The following NPAS3 variants were observed in gnomAD, a reference collection of about 807,000 sequenced individuals.
NPAS3 encodes the protein neuronal PAS domain-containing protein 3.
NPAS3 carries 14 observed loss-of-function variants against 73.1 expected under a neutral mutation model. The observed-to-expected ratio is 0.19, with a 90% CI of 0.13 to 0.30. The LOEUF (loss-of-function observed/expected upper bound fraction) is 0.30. Among genes scored for constraint, NPAS3 ranks in the 10% least tolerant of loss-of-function variants. The pLI is 1.00. For missense variants in NPAS3, 1,096 were observed against 1,250.0 expected, an observed-to-expected ratio of 0.88 and a Z score of 1.86; for synonymous variants, 620 against 541.5, an observed-to-expected ratio of 1.14 and a Z score of -2.01.
In NPAS3 at chr14:33,391,513, T is replaced by G. The variant is rs1396803031; in HGVS notation, c.468+24245T>G. Among the ~76,000 whole-genome samples, 3 of 152,280 alleles carry G rather than the reference T, an allele frequency of 2.0e-5. No homozygotes were observed. In the East Asian group the frequency reaches 5.8e-4, roughly 29 times the overall value. On this transcript the variant is annotated intron_variant, in intron 4 of 11. Coordinates refer to ENST00000356141, the Ensembl canonical transcript of NPAS3. ...CAGCTTGGCCCATATCTTAATTCACTACCAACGTTACTGATTTTATATTTC... is the reference window on the plus strand; with the variant it reads ...CAGCTTGGCCCATATCTTAATTCACGACCAACGTTACTGATTTTATATTTC...
intron 2 of NPAS3, among the ~76,000 whole-genome samples, chr14:33,082,954 G>GA (rs2041905593): frequency 6.6e-6 from 1 of 152,086 alleles, no homozygotes; most frequent in Non-Finnish European, 1.5e-5. Context: ...GAGATAGGCA[G>GA]ATCATCACTT....
intron 4 of NPAS3, among the ~76,000 whole-genome samples, chr14:33,442,145 G>A (rs545972586): frequency 1.3e-5 from 2 of 152,256 alleles, no homozygotes; most frequent in Non-Finnish European, 1.5e-5. Flanking sequence ...AAGACTGGGG[G>A]GAGGACTAAA....
intron 1 of NPAS3, among the ~76,000 whole-genome samples, chr14:33,044,027 A>G (rs1264521474): frequency 6.6e-6 from 1 of 152,182 alleles, no homozygotes; most frequent in Admixed American, 6.5e-5. Flanking sequence ...CATAGAGTGA[A>G]ATCCAGTGTA....
At chr14:33,289,870 T>C (rs770783284) in intron 3 of NPAS3, among the ~76,000 whole-genome samples, 8 of 151,814 alleles carry the variant, frequency 5.3e-5, no homozygotes, top group Admixed American at 1.3e-4. Context: ...AAATTGGCTG[T>C]GTTTCTTTTT....
intron 4 of NPAS3, among the ~76,000 whole-genome samples, chr14:33,480,873 A>G (rs536240274): frequency 1.3e-5 from 2 of 152,186 alleles, no homozygotes; most frequent in East Asian, 1.9e-4. Flanking sequence ...TAGAATGGGC[A>G]TATTTCCAGA....
In NPAS3 at chr14:33,160,546, C is replaced by T. The variant is rs547449758; in HGVS notation, c.141-54636C>T. ...TAGGAGATATACCTAATGTAAATGA[C>T]GAGTTAATGGGTGCAGCACACCAAC... is the stretch of plus-strand genomic sequence containing the variant. On this transcript the variant is annotated intron_variant, in intron 2 of 11. Transcript: ENST00000356141. Among the ~76,000 whole-genome samples, 454 of 149,454 alleles carry T rather than the reference C, an allele frequency of 3.0e-3. 3 individuals are homozygous for T. Among genetic ancestry groups the T allele is most frequent in the African/African-American group, 0.011 (432 of 40,594 alleles).
At chr14:33,774,412 G>C in exon 8 of NPAS3, 1 of 1,614,164 alleles carries the variant, frequency 6.2e-7, no homozygotes, top group African/African-American at 1.3e-5. Flanking sequence ...CCAAATCATG[G>C]GTCTCGTGGT....
chr14:33,106,516 A>G (rs991528034), intron 2 of NPAS3, among the ~76,000 whole-genome samples: 1 of 152,162 alleles, frequency 6.6e-6, no homozygotes, highest in Non-Finnish European at 1.5e-5. Context: ...ATTAAAGGAG[A>G]AGCAAATCAT....
chr14:33,347,079 A>G (rs1419144125), intron 3 of NPAS3, among the ~76,000 whole-genome samples: 1 of 152,172 alleles, frequency 6.6e-6, no homozygotes, highest in Non-Finnish European at 1.5e-5. Flanking sequence ...TTTCCTCCAC[A>G]TTATCAAAAT....
At chr14:33,496,510 G>C (rs1256113697) in intron 4 of NPAS3, among the ~76,000 whole-genome samples, 7 of 152,112 alleles carry the variant, frequency 4.6e-5, no homozygotes, top group East Asian at 1.9e-4. Flanking sequence ...CCACAATCAA[G>C]TCGGCTTCAT....
At chr14:33,375,999 C>T (rs145049121) in intron 4 of NPAS3, among the ~76,000 whole-genome samples, 18 of 152,182 alleles carry the variant, frequency 1.2e-4, no homozygotes, top group African/African-American at 2.4e-4. Context: ...TTCATACTTA[C>T]GGAATTGGTT....
downstream of NPAS3, chr14:33,801,149 G>GATCTACA: frequency 6.5e-7 from 1 of 1,541,606 alleles, no homozygotes; most frequent in Admixed American, 2.1e-5. Context: ...CCCGCTTGGA[G>GATCTACA]GAGGCATCGT....
chr14:33,436,949 G>A (rs895393209), intron 4 of NPAS3, among the ~76,000 whole-genome samples: 12 of 152,100 alleles, frequency 7.9e-5, no homozygotes, highest in Non-Finnish European at 1.5e-4. Context: ...TTCATTTTGA[G>A]GCTAGTTAGT....
At chr14:33,325,243 C>T (rs1284828349) in intron 3 of NPAS3, among the ~76,000 whole-genome samples, 3 of 151,984 alleles carry the variant, frequency 2.0e-5, no homozygotes, top group East Asian at 1.9e-4. Flanking sequence ...TTGATATAGG[C>T]GTGCAGTGTG....
intron 3 of NPAS3, among the ~76,000 whole-genome samples, chr14:33,283,639 C>T (rs1279480897): frequency 6.6e-6 from 1 of 152,144 alleles, no homozygotes; most frequent in African/African-American, 2.4e-5. Flanking sequence ...ATTGGAAAGC[C>T]TCATACTAGA....
At chr14:33,013,730 G>A (rs767904955) in intron 1 of NPAS3, among the ~76,000 whole-genome samples, 63 of 152,104 alleles carry the variant, frequency 4.1e-4, no homozygotes, top group Non-Finnish European at 1.5e-4. Flanking sequence ...ATTATTTTAT[G>A]TAAGCAGTTC....
At chr14:33,452,867 TA>T (rs1284321099) in intron 4 of NPAS3, among the ~76,000 whole-genome samples, 2 of 145,724 alleles carry the variant, frequency 1.4e-5, no homozygotes, top group Admixed American at 1.4e-4. Context: ...GATCATTAAA[TA>T]AAAATTAAGT....
In NPAS3 at chr14:33,215,287, A is replaced by C. The variant is rs751945494; in HGVS notation, c.246A>C (p.Ala82=). The C allele has an allele frequency of 2.2e-5, 35 of 1,556,878 alleles. No individual in the cohort carries two copies. The highest frequency in any genetic ancestry group is 3.1e-5 in the Non-Finnish European group (35 of 1,127,994). ...TGGCCAAGTTGTTGCCTCTTCCTGC[A>C]GCCATTACCAGCCAGCTCGACAAGG... is the stretch of plus-strand genomic sequence containing the variant. The change falls in exon 3 of 12, where the codon GCA becomes GCC. Residue 82 remains alanine (A), a synonymous_variant. Transcript: ENST00000356141.
intron 6 of NPAS3, among the ~76,000 whole-genome samples, chr14:33,719,919 A>G (rs750055152): frequency 6.6e-6 from 1 of 152,182 alleles, no homozygotes; most frequent in African/African-American, 2.4e-5. Context: ...TCGGGGCATC[A>G]TTGGCAGATA....
Sources: allele counts gnomAD v4.1 joint callset (sites outside exome capture counted in the v4.1 genomes callset), GRCh38; gene constraint gnomAD v4.1.1; transcripts MANE v1.5; gene names NCBI Gene and HGNC (gene_info 2026-07-23, HGNC 2026-07-21).